HDX: variants seen among roughly 807,000 people sequenced by gnomAD.
HDX encodes highly divergent homeobox.
HDX carries 19 observed loss-of-function variants against 45.2 expected under a neutral mutation model. The observed-to-expected ratio is 0.42, with a 90% CI of 0.29 to 0.62. HDX has a LOEUF of 0.62. Among genes scored for constraint, HDX ranks in the 20% least tolerant of loss-of-function variants. The pLI, the probability that HDX is intolerant of heterozygous loss-of-function variation, is 0.20. For synonymous variants in HDX, 188 were observed against 172.8 expected (o/e 1.09, Z -0.69); for missense variants, 532 against 493.9 (o/e 1.08, Z -0.73).
At chrX:84,347,310 T>G (rs1229453588) in intron 6 of HDX, among the ~76,000 whole-genome samples, 2 of 111,043 alleles carry the variant, frequency 1.8e-5, no homozygotes, top group Admixed American at 1.9e-4. Context: ...TTCTCCCACC[T>G]CAGCCTCCTG....
intron 5 of HDX, among the ~76,000 whole-genome samples, chrX:84,382,575 A>G (rs1033208242): frequency 8.0e-5 from 9 of 111,815 alleles, no homozygotes; most frequent in Non-Finnish European, 1.7e-4. Context: ...CATTATGTCA[A>G]GTGAAATAAG....
At chrX:84,366,587 A>G (rs945058780) in intron 5 of HDX, among the ~76,000 whole-genome samples, 9 of 111,863 alleles carry the variant, frequency 8.0e-5, no homozygotes, top group African/African-American at 6.5e-5. Context: ...AAACTATACT[A>G]CAAAGCTACA....
intron 2 of HDX, among the ~76,000 whole-genome samples, chrX:84,484,682 A>C (rs1388627949): frequency 2.7e-5 from 3 of 112,098 alleles, no homozygotes; most frequent in African/African-American, 9.7e-5. Context: ...ATTCTCGCCA[A>C]CATCTATTAT....
intron 4 of HDX, among the ~76,000 whole-genome samples, chrX:84,443,608 G>A (rs1173910695): frequency 1.8e-5 from 2 of 111,482 alleles, no homozygotes; most frequent in Non-Finnish European, 3.8e-5. Context: ...TTGTCTCATT[G>A]CACTCCTTTT....
intron 5 of HDX, among the ~76,000 whole-genome samples, chrX:84,367,088 G>A (rs772806467): frequency 6.0e-4 from 67 of 111,765 alleles, no homozygotes; most frequent in African/African-American, 2.0e-3. Flanking sequence ...GAACATTTTT[G>A]CAATCTGCCC....
At chrX:84,408,453 C>G (rs1032254119) in intron 5 of HDX, among the ~76,000 whole-genome samples, 2 of 102,529 alleles carry the variant, frequency 2.0e-5, no homozygotes, top group Non-Finnish European at 3.9e-5. Flanking sequence ...GTAACTATAG[C>G]CTGGTAGTAT....
chrX:84,448,140 C>T (rs971289160), intron 4 of HDX, among the ~76,000 whole-genome samples: 1 of 111,886 alleles, frequency 8.9e-6, no homozygotes. Context: ...CCATCCACCA[C>T]ATTTGGCACT....
At chrX:84,356,079 C>G (rs1304597772) in intron 6 of HDX, among the ~76,000 whole-genome samples, 3 of 110,004 alleles carry the variant, frequency 2.7e-5, no homozygotes, top group Non-Finnish European at 5.7e-5. Flanking sequence ...CTTAGAAGTA[C>G]AAGACATTAA....
intron 1 of HDX, among the ~76,000 whole-genome samples, chrX:84,496,964 G>T (rs914268145): frequency 9.0e-6 from 1 of 111,302 alleles, no homozygotes; most frequent in Non-Finnish European, 1.9e-5. Context: ...GGAGTAACCT[G>T]ATGGAAAATG....
Position 84,468,888 on chromosome X carries a change from C to A in HDX, c.835G>T (p.Gly279Ter). The A allele has an allele frequency of 8.3e-7, 1 of 1,211,099 alleles. No homozygotes were observed. The highest frequency in any genetic ancestry group is 1.1e-6 in the Non-Finnish European group (1 of 895,034). The change falls in exon 4 of 11, where the codon GGA becomes TGA. Residue 279 changes from glycine to a stop codon, truncating the protein, a stop_gained. Transcript: ENST00000373177. LOFTEE classifies it high-confidence loss of function. ...CTAGGCTTCTGTGGGGCATTTCCTC[C>A]CAGAATTCTCTGGGGGTAATCGCTA... ...AVSDYPQRIL[G>*]GNAPQKPSSA...
rs760128437 is a variant in HDX at position 84,319,466 on chromosome X, A to G, written c.*2423T>C. On this transcript the variant is annotated 3_prime_UTR_variant, in exon 11 of 11. Coordinates refer to ENST00000373177, the MANE Select transcript of HDX (RefSeq NM_001177479.2). The stretch of plus-strand genomic sequence containing the variant: ...ATCTGGCAATTATGATTCTTTTTCT[A>G]TAGATAGAGGTATTTCCTTCAGTTC... 3.6e-5 allele frequency: 4 copies of G among 111,643 alleles called. No homozygotes were observed. In the South Asian group the frequency reaches 1.1e-3, roughly 30 times the overall value. 9.2% of individuals were successfully genotyped at this position (111,643 alleles called of 1,213,427 possible). A position where few individuals can be genotyped will look rare whatever the true frequency, so the allele number is the denominator to read the frequency against.
chrX:84,334,539 G>A (rs1284855398), intron 8 of HDX, among the ~76,000 whole-genome samples: 2 of 108,330 alleles, frequency 1.8e-5, no homozygotes, highest in African/African-American at 6.7e-5. Flanking sequence ...GTCCACAGTA[G>A]GTACTAACAC....
At chrX:84,406,483 C>CACACACACACACACAT (rs2038826366) in intron 5 of HDX, among the ~76,000 whole-genome samples, 1 of 79,523 alleles carries the variant, frequency 1.3e-5, no homozygotes, top group Non-Finnish European at 2.4e-5. Flanking sequence ...CACACACACA[C>CACACACACACACACAT]ACACACACAC....
intron 6 of HDX, among the ~76,000 whole-genome samples, chrX:84,358,953 G>A (rs767131118): frequency 1.6e-4 from 18 of 111,193 alleles, no homozygotes; most frequent in Non-Finnish European, 2.6e-4. Context: ...GCTCACAAGC[G>A]TCAACTGTTA....
intron 5 of HDX, among the ~76,000 whole-genome samples, chrX:84,391,227 T>A (rs909928313): frequency 2.1e-4 from 23 of 112,106 alleles, no homozygotes; most frequent in Non-Finnish European, 4.0e-4. Context: ...CTGGCTTATC[T>A]CATTTAACAT....
chrX:84,363,812 A>G (rs954297550), intron 5 of HDX, among the ~76,000 whole-genome samples: 1 of 111,868 alleles, frequency 8.9e-6, no homozygotes, highest in African/African-American at 3.2e-5. Flanking sequence ...TTGTTTTTCT[A>G]TTGGACTCTC....
chrX:84,420,220 C>G (rs996637316), intron 5 of HDX, among the ~76,000 whole-genome samples: 2 of 111,844 alleles, frequency 1.8e-5, no homozygotes, highest in African/African-American at 3.2e-5. Context: ...TTAAAACACT[C>G]GTGTTAACTA....
chrX:84,393,597 G>A (rs369166700), intron 5 of HDX, among the ~76,000 whole-genome samples: 1 of 111,125 alleles, frequency 9.0e-6, no homozygotes, highest in Non-Finnish European at 1.9e-5. Flanking sequence ...GAGAGGAATT[G>A]GTTTCTTTCT....
At position 84,433,778 on chromosome X, in the gene HDX, G is replaced by A. The variant is rs765430332; in HGVS notation, c.1305+6754C>T. 8.1e-5 allele frequency among the ~76,000 whole-genome samples: 9 copies of A among 111,086 alleles called. No individual in the cohort carries two copies. In the East Asian group the frequency reaches 2.0e-3, roughly 25 times the overall value. On this transcript the variant is annotated intron_variant, in intron 5 of 10. Transcript: ENST00000373177. ...TTGAATCTGTAGATTCCTGTGGGCC[G>A]TATAGTCATTTTAATGATATTAATT...
Sources: allele counts gnomAD v4.1 joint callset (sites outside exome capture counted in the v4.1 genomes callset), GRCh38; gene constraint gnomAD v4.1.1; transcripts MANE v1.5; gene names NCBI Gene and HGNC (gene_info 2026-07-23, HGNC 2026-07-21).